Variants in CFAP20DC observed in about 807,000 individuals in gnomAD.
CFAP20DC encodes the protein CFAP20 domain containing, also known as protein CFAP20DC.
CFAP20DC carries 84 observed loss-of-function variants against 101.7 expected under a neutral mutation model. The observed-to-expected ratio is 0.83, with a 90% confidence interval of 0.69 to 0.99. The LOEUF (loss-of-function observed/expected upper bound fraction) is 0.99. Ranked by LOEUF, CFAP20DC falls within the 50% of genes least tolerant of loss-of-function variation. The probability of loss-of-function intolerance (pLI) is 0.00; values close to 1 mark genes in which losing one functional copy is unlikely to be tolerated. For synonymous variants in CFAP20DC, 359 were observed against 351.2 expected, an observed-to-expected ratio of 1.02 and a Z score of -0.25; for missense variants, 1,007 against 970.3, an observed-to-expected ratio of 1.04 and a Z score of -0.50.
chr3:58,871,253 G>T (rs2080181676), intron 7 of CFAP20DC, among the ~76,000 whole-genome samples: 1 of 152,160 alleles, frequency 6.6e-6, no homozygotes, highest in African/African-American at 2.4e-5. Flanking sequence ...GAAGGGCAGG[G>T]TGTACCTGGG....
rs561527754 is a variant in CFAP20DC at position 58,812,563 on chromosome 3, G to C, written c.2176-6107C>G. On this transcript the variant is annotated intron_variant, in intron 14 of 16. Coordinates refer to ENST00000482387, the MANE Select transcript of CFAP20DC (RefSeq NM_001394063.1). ...CAGTCTGGGGACTGTTGTGGGGTGG[G>C]GGGAGCGGGGAGGGATAGCATTAGG... Among the ~76,000 whole-genome samples, 39 of 151,784 alleles carry C rather than the reference G, an allele frequency of 2.6e-4. 1 individual carries two copies. Among genetic ancestry groups the C allele is most frequent in the African/African-American group, 8.7e-4 (36 of 41,176 alleles).
chr3:59,044,996 AC>A (rs1158179706), intron 3 of CFAP20DC, among the ~76,000 whole-genome samples: 74 of 151,230 alleles, frequency 4.9e-4, no homozygotes, highest in African/African-American at 1.7e-3. Context: ...AGACACACAC[AC>A]ACACACACAC....
intron 4 of CFAP20DC, among the ~76,000 whole-genome samples, chr3:58,966,310 T>G (rs966806583): frequency 2.6e-5 from 4 of 152,316 alleles, no homozygotes; most frequent in African/African-American, 7.2e-5. Flanking sequence ...GACCACTATG[T>G]CCTTATTTGA....
intron 4 of CFAP20DC, among the ~76,000 whole-genome samples, chr3:58,979,054 A>C: frequency 6.6e-6 from 1 of 152,206 alleles, no homozygotes; most frequent in Admixed American, 6.5e-5. Context: ...GCTACAGCTA[A>C]GTTACTTTCC....
rs1391145058 is a variant in CFAP20DC at position 58,869,862 on chromosome 3, C to T, written c.852+311G>A. 2.6e-5 allele frequency among the ~76,000 whole-genome samples: 4 copies of T among 152,148 alleles called. No individual in the cohort carries two copies. The highest frequency in any genetic ancestry group is 2.6e-4 in the Admixed American group (4 of 15,276). On this transcript the variant is annotated intron_variant, in intron 8 of 16. Transcript: ENST00000482387. This position sits in a 1 kb window ranked among gnomAD's most constrained non-coding sequence, Gnocchi z 4.3. ...CATCCTAAGGTGTCTGGTTATGATCCAACTCCTCTGAAAGAGACAGCAAAA... is the reference window on the plus strand; with the variant it reads ...CATCCTAAGGTGTCTGGTTATGATCTAACTCCTCTGAAAGAGACAGCAAAA...
chr3:58,934,383 A>G (rs1462122162), intron 5 of CFAP20DC, among the ~76,000 whole-genome samples: 1 of 152,210 alleles, frequency 6.6e-6, no homozygotes, highest in Non-Finnish European at 1.5e-5. Flanking sequence ...AACTATTCCA[A>G]TCAATAGAAA....
intron 12 of CFAP20DC, among the ~76,000 whole-genome samples, chr3:58,852,758 G>C (rs1363620551): frequency 5.8e-4 from 88 of 151,354 alleles, no homozygotes; most frequent in East Asian, 2.1e-3. Flanking sequence ...GAAATGAAGG[G>C]AGAAATAAAG....
chr3:58,927,206 T>C (rs1257078418), intron 5 of CFAP20DC, among the ~76,000 whole-genome samples: 2 of 152,302 alleles, frequency 1.3e-5, no homozygotes, highest in African/African-American at 4.8e-5. Context: ...AAAGAAACAT[T>C]TAAAGGCATT....
intron 12 of CFAP20DC, among the ~76,000 whole-genome samples, chr3:58,857,430 T>C (rs1158460456): frequency 6.6e-6 from 1 of 152,174 alleles, no homozygotes; most frequent in Non-Finnish European, 1.5e-5. Context: ...AGTATGTACA[T>C]GGACATTCAT....
chr3:59,031,239 G>C (rs930300840), intron 4 of CFAP20DC, among the ~76,000 whole-genome samples: 5 of 152,130 alleles, frequency 3.3e-5, no homozygotes, highest in African/African-American at 1.2e-4. Context: ...GGGCTCATCG[G>C]CAAAAGATTC....
In CFAP20DC at chr3:58,717,607, G is replaced by A. The variant is rs944684916; in HGVS notation, c.221C>T (p.Thr74Ile). The change falls in exon 4 of 4, where the codon ACA (threonine) becomes ATA (isoleucine). Residue 74 changes from threonine (T) to isoleucine (I), a missense_variant. Physicochemically the swap from Thr to Ile is moderately conservative, Grantham distance 89. Coordinates refer to the CFAP20DC transcript ENST00000486145. This position sits in a 1 kb window ranked among gnomAD's most constrained non-coding sequence, Gnocchi z 4.1. The stretch of plus-strand genomic sequence containing the variant: ...TTGCCTTCACAGTTGCAAAATGGCT[G>A]TAGCACTTCCAGACATTTCTTCTGC... 4.4e-6 allele frequency: 2 copies of A among 453,234 alleles called. No individual in the cohort carries two copies. Among genetic ancestry groups the A allele is most frequent in the Non-Finnish European group, 8.8e-6 (2 of 226,176 alleles). The allele number at this position is 453,234 out of a possible 1,614,324, so 28.1% of individuals were successfully genotyped here.
intron 4 of CFAP20DC, among the ~76,000 whole-genome samples, chr3:59,004,769 C>A (rs987482369): frequency 2.0e-5 from 3 of 152,186 alleles, no homozygotes; most frequent in Admixed American, 2.0e-4. Context: ...ACTGCATAAT[C>A]CCCACAGCTC....
intron 14 of CFAP20DC, among the ~76,000 whole-genome samples, chr3:58,829,772 T>C (rs2076273617): frequency 6.6e-6 from 1 of 152,206 alleles, no homozygotes; most frequent in Non-Finnish European, 1.5e-5. Context: ...AGGACAGCGA[T>C]GAGAACACTG....
intron 4 of CFAP20DC, among the ~76,000 whole-genome samples, chr3:58,944,000 A>G (rs2088997839): frequency 6.6e-6 from 1 of 152,194 alleles, no homozygotes; most frequent in African/African-American, 2.4e-5. Context: ...TTAATGAAAT[A>G]AAGCGTGAAG....
intron 3 of CFAP20DC, among the ~76,000 whole-genome samples, chr3:59,044,205 T>C (rs1208153108): frequency 2.0e-5 from 3 of 152,166 alleles, no homozygotes; most frequent in Non-Finnish European, 4.4e-5. Flanking sequence ...ACTCTTAAAA[T>C]AGGAATACAT....
In CFAP20DC at chr3:58,821,779, G is replaced by A. The variant is rs572301530; in HGVS notation, c.2175+9907C>T. On this transcript the variant is annotated intron_variant, in intron 14 of 16. Coordinates refer to ENST00000482387, the MANE Select transcript of CFAP20DC (RefSeq NM_001394063.1). ...AGAACTAGAAATACCATTTGACCCAGCCATCCCATTACTGGGTATATACCC... is the reference window on the plus strand; with the variant it reads ...AGAACTAGAAATACCATTTGACCCAACCATCCCATTACTGGGTATATACCC... 1.7e-4 allele frequency among the ~76,000 whole-genome samples: 25 copies of A among 146,582 alleles called. No homozygotes were observed. In the East Asian group the frequency reaches 4.8e-3, roughly 28 times the overall value.
intron 15 of CFAP20DC, among the ~76,000 whole-genome samples, chr3:58,771,288 A>G (rs1239894346): frequency 6.6e-6 from 1 of 152,146 alleles, no homozygotes; most frequent in Non-Finnish European, 1.5e-5. Context: ...ATTAGGAGAA[A>G]TACCTAATGT....
At chr3:58,737,816 C>T (rs764893184), downstream of CFAP20DC, among the ~76,000 whole-genome samples, 3 of 152,104 alleles carry the variant, frequency 2.0e-5, no homozygotes, top group Non-Finnish European at 4.4e-5. The surrounding 1 kb of genome is among the most constrained non-coding windows in gnomAD (Gnocchi z 4.1). Flanking sequence ...TCAGTGAGAA[C>T]CAGAAATCCC....
chr3:58,783,254 C>T (rs1017743913), intron 15 of CFAP20DC, among the ~76,000 whole-genome samples: 10 of 151,872 alleles, frequency 6.6e-5, no homozygotes, highest in Non-Finnish European at 1.0e-4. Flanking sequence ...TAGATGCCTA[C>T]TTCTCATCAT....
Sources: allele counts gnomAD v4.1 joint callset (sites outside exome capture counted in the v4.1 genomes callset), GRCh38; gene constraint gnomAD v4.1.1; non-coding constraint Gnocchi (gnomAD v3.1); transcripts MANE v1.5; gene names NCBI Gene and HGNC (gene_info 2026-07-23, HGNC 2026-07-21).